The following PGK1 variants were observed in gnomAD, a reference collection of about 807,000 sequenced individuals.
The protein encoded by PGK1 is phosphoglycerate kinase 1.
In PGK1, 3 loss-of-function variants were observed where a neutral mutation model predicts 26.9. The observed-to-expected ratio is 0.11, with a 90% confidence interval of 0.05 to 0.29. The LOEUF is 0.29. Ranked by LOEUF, PGK1 falls within the 10% of genes least tolerant of loss-of-function variation. PGK1 has a pLI of 1.00. For synonymous variants in PGK1, 125 were observed against 115.3 expected (o/e 1.08, Z -0.54); for missense variants, 270 against 314.7 (o/e 0.86, Z 1.07).
intron 8 of PGK1, among the ~76,000 whole-genome samples, chrX:78,124,078 T>A (rs1557248375): frequency 8.9e-6 from 1 of 111,773 alleles, no homozygotes; most frequent in African/African-American, 3.3e-5. Context: ...GTATACTGAT[T>A]ACAAGCAGGG....
rs782238001 is a variant in PGK1, at chrX:78,125,792, A to G, written c.1216A>G (p.Lys406Glu). 3 of 1,200,699 alleles carry G rather than the reference A, an allele frequency of 2.5e-6. No homozygotes were observed. Among genetic ancestry groups the G allele is most frequent in the East Asian group, 3.0e-5 (1 of 33,745 alleles). ...GGASLELLEG[K>E]VLPGVDALSN... ...TATGTGTGCTCTCTCAAAAACAGGT[A>G]AAGTCCTTCCTGGGGTGGATGCTCT... Residue 406 changes from lysine to glutamate, a missense_variant and splice_region_variant, in exon 11 of 11, where the codon AAA (lysine) becomes GAA (glutamate). Lys to Glu is a moderately conservative substitution (Grantham distance 56). Transcript: ENST00000373316.
intron 6 of PGK1, among the ~76,000 whole-genome samples, chrX:78,120,338 CACACACACACATATATAT>C (rs1882035849): frequency 2.1e-5 from 2 of 93,975 alleles, no homozygotes; most frequent in South Asian, 1.1e-3. Context: ...TGTACACACA[CACACACACACATATATAT>C]ACACACACAC....
intron 1 of PGK1, among the ~76,000 whole-genome samples, chrX:78,106,990 A>G (rs2078275633): frequency 9.0e-6 from 1 of 110,937 alleles, no homozygotes; most frequent in African/African-American, 3.3e-5. Context: ...AGACACCCAC[A>G]ATATCCCAGT....
chrX:78,113,559 A>C (rs1409134543), intron 2 of PGK1, among the ~76,000 whole-genome samples, 185 bp from the exon 3 acceptor site: 1 of 111,993 alleles, frequency 8.9e-6, no homozygotes, highest in Non-Finnish European at 1.9e-5. Flanking sequence ...GAGATTGTAC[A>C]ATCCTAGGTG....
chrX:78,116,054 C>G (rs1268159958), intron 4 of PGK1, among the ~76,000 whole-genome samples: 1 of 107,624 alleles, frequency 9.3e-6, no homozygotes, highest in African/African-American at 3.4e-5. Flanking sequence ...GAGACGGGGT[C>G]TTGCTATGTT....
chrX:78,107,961 CG>C (rs1272871654), intron 1 of PGK1, among the ~76,000 whole-genome samples: 6 of 77,994 alleles, frequency 7.7e-5, no homozygotes, highest in African/African-American at 2.7e-4. Context: ...TATAAGGAAA[CG>C]AAAAAAAAAA....
chrX:78,106,215 G>A (rs1443730399), intron 1 of PGK1, among the ~76,000 whole-genome samples: 1 of 111,703 alleles, frequency 9.0e-6, no homozygotes, highest in African/African-American at 3.3e-5. Context: ...CTGTTTTGCT[G>A]ATGGAAAATG....
chrX:78,109,791 T>C (rs2078291185), intron 1 of PGK1, 76 bp from the exon 2 acceptor site: 1 of 680,234 alleles, frequency 1.5e-6, no homozygotes, highest in African/African-American at 2.1e-5. Context: ...CTTATTTAAC[T>C]GGTTCATTAA....
chrX:78,118,885 C>A (rs2078339608), intron 6 of PGK1, among the ~76,000 whole-genome samples: 1 of 111,321 alleles, frequency 9.0e-6, no homozygotes, highest in African/African-American at 3.3e-5. Flanking sequence ...CTGCTGCACC[C>A]CCTCCCACCC....
At chrX:78,112,443 C>T (rs782107837) in intron 2 of PGK1, among the ~76,000 whole-genome samples, 55 of 112,105 alleles carry the variant, frequency 4.9e-4, no homozygotes, top group Non-Finnish European at 9.4e-4. Flanking sequence ...AGGTTTATAA[C>T]AAAACTTTTA....
chrX:78,113,887 C>G lies in PGK1; in HGVS notation c.260C>G (p.Ser87Cys). 1 of 1,211,526 alleles carries G rather than the reference C, an allele frequency of 8.3e-7. No homozygotes were observed. The highest frequency in any genetic ancestry group is 1.1e-6 in the Non-Finnish European group (1 of 895,155). Residue 87 changes from serine (S) to cysteine (C), a missense_variant, in exon 3 of 11, where the codon TCT becomes TGT. Around this residue, in one of 3 missense-constraint regions of PGK1, gnomAD observed 150 missense variants for 154.6 expected, o/e 0.97. Coordinates refer to ENST00000373316, the MANE Select transcript of PGK1 (RefSeq NM_000291.4). ...SLEPVAVELK[S>C]LLGKDVLFLK... ...GAGCCAGTTGCTGTAGAACTCAAAT[C>G]TCTGCTGGGCAAGTAAGTGCCAGGC...
intron 2 of PGK1, among the ~76,000 whole-genome samples, chrX:78,111,230 G>A (rs1381761680): frequency 9.1e-6 from 1 of 110,473 alleles, no homozygotes; most frequent in Non-Finnish European, 1.9e-5. Flanking sequence ...GACCACAGGC[G>A]TGGGCCACCA....
chrX:78,108,061 A>G (rs192076488), intron 1 of PGK1, among the ~76,000 whole-genome samples: 6 of 111,791 alleles, frequency 5.4e-5, no homozygotes, highest in Admixed American at 4.7e-4. Context: ...TCTGAGGAGA[A>G]GCTAAAAGCA....
chrX:78,110,983 T>TTA (rs782003705), intron 2 of PGK1, among the ~76,000 whole-genome samples: 6,074 of 70,621 alleles, frequency 0.086, 175 homozygotes, highest in Middle Eastern at 0.12. Context: ...TTTGTAGATT[T>TTA]TATATATATA....
chrX:78,123,470 ATC>A, intron 8 of PGK1, 96 bp downstream of exon 8: 3 of 682,962 alleles, frequency 4.4e-6, no homozygotes, highest in South Asian at 2.3e-5. Flanking sequence ...TTTTAAAACA[ATC>A]TCTATAGGAG....
At chrX:78,106,759 T>A (rs1335957909) in intron 1 of PGK1, 1 of 246,112 alleles carries the variant, frequency 4.1e-6, no homozygotes, top group African/African-American at 3.0e-5. Context: ...CTTTACAGCC[T>A]CTTTGAATAC....
chrX:78,117,021 G>T (rs1176831306), intron 4 of PGK1, among the ~76,000 whole-genome samples: 1 of 111,814 alleles, frequency 8.9e-6, no homozygotes, highest in African/African-American at 3.3e-5. Context: ...CTGAAGGCTG[G>T]GGAGAGGCTA....
intron 2 of PGK1, among the ~76,000 whole-genome samples, chrX:78,111,264 T>G (rs1557246867): frequency 9.0e-6 from 1 of 110,909 alleles, no homozygotes; most frequent in African/African-American, 3.3e-5. Flanking sequence ...TTTCATATTT[T>G]TTTTGTAGAG....
Position 78,114,130 on chromosome X carries a change from A to C in PGK1, c.387A>C (p.Glu129Asp), listed in dbSNP as rs5913638. The C allele has an allele frequency of 3.1e-5, 38 of 1,209,466 alleles. No homozygotes were observed. Among genetic ancestry groups the C allele is most frequent in the Non-Finnish European group, 4.2e-5 (38 of 894,670 alleles). Reference protein sequence around the residue: ...LENLRFHVEEEGKGKDASGNK... With the variant: ...LENLRFHVEEDGKGKDASGNK... ...ACCTCCGCTTTCATGTGGAGGAAGA[A>C]GGGAAGGGAAAAGATGCTTCTGGGA... The change falls in exon 4 of 11, where the codon GAA becomes GAC. Residue 129 changes from glutamate (E) to aspartate (D), a missense_variant. Transcript: ENST00000373316.
Sources: allele counts gnomAD v4.1 joint callset (sites outside exome capture counted in the v4.1 genomes callset), GRCh38; gene constraint gnomAD v4.1.1; regional missense constraint gnomAD v4.1.1; transcripts MANE v1.5; gene names NCBI Gene and HGNC (gene_info 2026-07-23, HGNC 2026-07-21).